Variants in CD38 observed in about 807,000 individuals in gnomAD.
CD38 encodes ADP-ribosyl cyclase/cyclic ADP-ribose hydrolase 1.
A neutral mutation model predicts 36.3 loss-of-function variants in CD38; 31 were observed. The observed-to-expected ratio is 0.85, with a 90% CI of 0.64 to 1.15. The LOEUF is 1.15. CD38 is among the 50% of genes most tolerant of loss of function. CD38 has a pLI of 0.00. For missense variants in CD38, 380 were observed against 371.9 expected (o/e 1.02, Z -0.18); for synonymous variants, 131 against 135.2 (o/e 0.97, Z 0.22).
chr4:15,808,885 C>T (rs184951552), intron 1 of CD38, among the ~76,000 whole-genome samples: 34 of 152,256 alleles, frequency 2.2e-4, no homozygotes, highest in Non-Finnish European at 4.4e-4. Flanking sequence ...GTAGGGGGCT[C>T]GCCCTCTGTT....
rs1161135608 is a variant in CD38, at chr4:15,852,922, T to G, written c.*4320T>G. 4 of 151,660 alleles carry G rather than the reference T, an allele frequency of 2.6e-5. No homozygotes were observed. Among genetic ancestry groups the G allele is most frequent in the Non-Finnish European group, 5.9e-5 (4 of 67,994 alleles). 9.4% of individuals were successfully genotyped at this position (151,660 alleles called of 1,614,324 possible). A position where few individuals can be genotyped will look rare whatever the true frequency, so the allele number is the denominator to read the frequency against. On this transcript the variant is annotated 3_prime_UTR_variant, in exon 8 of 8. Transcript: ENST00000226279. ...CCCCCTGGGGTTCACGCCATTCTCCTGCCTCAGCCTCCCAAGTAGCTGGGA... is the reference window on the plus strand; with the variant it reads ...CCCCCTGGGGTTCACGCCATTCTCCGGCCTCAGCCTCCCAAGTAGCTGGGA...
intron 1 of CD38, among the ~76,000 whole-genome samples, chr4:15,790,842 G>A (rs962720929): frequency 6.7e-5 from 10 of 149,370 alleles, no homozygotes; most frequent in Non-Finnish European, 1.5e-4. Flanking sequence ...TGTCTGGGAT[G>A]TGAGGAGCGC....
intron 1 of CD38, among the ~76,000 whole-genome samples, chr4:15,798,065 A>T (rs993296831): frequency 6.6e-6 from 1 of 152,210 alleles, no homozygotes; most frequent in African/African-American, 2.4e-5. Flanking sequence ...GTAAATTTTA[A>T]ACAAATGTTT....
At chr4:15,785,361 C>A (rs1300805533) in intron 1 of CD38, among the ~76,000 whole-genome samples, 2 of 152,116 alleles carry the variant, frequency 1.3e-5, no homozygotes, top group Non-Finnish European at 2.9e-5. Context: ...CAACAGATAT[C>A]AGGAGAGGGA....
chr4:15,785,941 G>T (rs1722811047), intron 1 of CD38, among the ~76,000 whole-genome samples: 1 of 152,180 alleles, frequency 6.6e-6, no homozygotes. Context: ...GCTGGCTTCA[G>T]GAGTGAAGCT....
intron 2 of CD38, among the ~76,000 whole-genome samples, chr4:15,816,985 ATAG>A (rs575622641): frequency 6.6e-6 from 1 of 152,198 alleles, no homozygotes; most frequent in African/African-American, 2.4e-5. Flanking sequence ...TATGATAATA[ATAG>A]TAGTAGTAGT....
chr4:15,811,141 A>G (rs1404043982), intron 1 of CD38, among the ~76,000 whole-genome samples: 1 of 152,200 alleles, frequency 6.6e-6, no homozygotes, highest in Non-Finnish European at 1.5e-5. Flanking sequence ...ATTGAATTAT[A>G]AGAGCTCTTT....
intron 1 of CD38, among the ~76,000 whole-genome samples, chr4:15,806,250 G>A (rs904236634): frequency 6.6e-6 from 1 of 152,102 alleles, no homozygotes; most frequent in Admixed American, 6.6e-5. Flanking sequence ...CCCTATTCTG[G>A]TCCTGACCCT....
intron 1 of CD38, among the ~76,000 whole-genome samples, chr4:15,788,788 A>T (rs1238226637): frequency 1.3e-5 from 2 of 152,230 alleles, no homozygotes; most frequent in East Asian, 3.8e-4. Context: ...TCAAAGATTG[A>T]TTTACTCATT....
intron 7 of CD38, among the ~76,000 whole-genome samples, chr4:15,847,249 A>G (rs376190560): frequency 5.7e-3 from 10 of 1,758 alleles, no homozygotes; most frequent in African/African-American, 0.014. Flanking sequence ...ATGAGTTCAT[A>G]TCCTTTGTAG....
chr4:15,826,459 G>GCACGCGCACACACACA (rs1222637407), intron 3 of CD38, among the ~76,000 whole-genome samples: 1 of 146,348 alleles, frequency 6.8e-6, no homozygotes, highest in Non-Finnish European at 1.5e-5. Context: ...ACTTTTGTGC[G>GCACGCGCACACACACA]CACACACACA....
chr4:15,827,654 TCTCTC>T (rs1221259711), intron 3 of CD38, among the ~76,000 whole-genome samples: 1 of 152,150 alleles, frequency 6.6e-6, no homozygotes, highest in Non-Finnish European at 1.5e-5. Context: ...ACAGTAGACT[TCTCTC>T]CTTTTGTTTT....
At chr4:15,833,525 T>C (rs759808272) in intron 3 of CD38, among the ~76,000 whole-genome samples, 61 of 152,200 alleles carry the variant, frequency 4.0e-4, no homozygotes, top group Non-Finnish European at 6.3e-4. Flanking sequence ...TTTTTATTTG[T>C]GTGGTTTTGG....
chr4:15,829,608 G>T (rs1307087222), intron 3 of CD38, among the ~76,000 whole-genome samples: 1 of 152,162 alleles, frequency 6.6e-6, no homozygotes, highest in East Asian at 1.9e-4. Flanking sequence ...TGGGCCATGG[G>T]TTGGACAAGC....
At chr4:15,806,259 C>CTTT (rs1723339104) in intron 1 of CD38, among the ~76,000 whole-genome samples, 1 of 152,168 alleles carries the variant, frequency 6.6e-6, no homozygotes, top group Admixed American at 6.5e-5. Context: ...GGTCCTGACC[C>CTTT]TTTTGTACCA....
intron 1 of CD38, among the ~76,000 whole-genome samples, chr4:15,791,255 T>A (rs1577636410): frequency 2.5e-5 from 1 of 39,868 alleles, no homozygotes; most frequent in South Asian, 1.1e-3. Flanking sequence ...TACTGGGAAG[T>A]GAGGAGCCCC....
At chr4:15,780,534 A>ACACACACACACACACACACACACG (rs1560303833) in intron 1 of CD38, among the ~76,000 whole-genome samples, 17 of 144,270 alleles carry the variant, frequency 1.2e-4, no homozygotes, top group African/African-American at 4.3e-4. Context: ...ACACACACAC[A>ACACACACACACACACACACACACG]CACACACACA....
chr4:15,820,673 A>T (rs979312614), intron 2 of CD38, among the ~76,000 whole-genome samples: 1 of 152,232 alleles, frequency 6.6e-6, no homozygotes, highest in Non-Finnish European at 1.5e-5. Flanking sequence ...ATACAGGAAC[A>T]CCGAGATTCA....
intron 2 of CD38, among the ~76,000 whole-genome samples, chr4:15,818,693 C>G (rs79375842): frequency 0.059 from 8,909 of 152,200 alleles, 363 homozygotes; most frequent in East Asian, 0.18. Flanking sequence ...AGCCTCCACT[C>G]GTGATACCTT....
Sources: gnomAD v4.1 joint callset for allele counts (sites outside exome capture counted in the v4.1 genomes callset) on GRCh38, gnomAD v4.1.1 for gene constraint, MANE v1.5 for transcripts, NCBI Gene and HGNC (gene_info 2026-07-23, HGNC 2026-07-21) for gene names.